DNAJC13: variants seen among roughly 807,000 people sequenced by gnomAD.
DNAJC13 encodes dnaJ homolog subfamily C member 13.
A neutral mutation model predicts 290.5 loss-of-function variants in DNAJC13; 75 were observed. The observed-to-expected ratio is 0.26, with a 90% CI of 0.21 to 0.31. DNAJC13 has a LOEUF of 0.31. DNAJC13 is among the 10% of genes least tolerant of loss of function. The pLI is 1.00. For synonymous variants in DNAJC13, 862 were observed against 892.0 expected (o/e 0.97, Z 0.60); for missense variants, 2,260 against 2,674.5 (o/e 0.85, Z 3.42).
chr3:132,483,953 G>A (rs938400016), intron 28 of DNAJC13, among the ~76,000 whole-genome samples: 2 of 152,162 alleles, frequency 1.3e-5, no homozygotes, highest in African/African-American at 2.4e-5. Flanking sequence ...GTAGGCCCAC[G>A]TCTTGCCCCA....
chr3:132,442,707 G>A (rs1395827856), intron 2 of DNAJC13, among the ~76,000 whole-genome samples: 1 of 152,092 alleles, frequency 6.6e-6, no homozygotes, highest in East Asian at 1.9e-4. Context: ...TTCTTAATAA[G>A]CTGTTGTATT....
chr3:132,496,199 G>A (rs909717774), intron 35 of DNAJC13, among the ~76,000 whole-genome samples: 1 of 152,122 alleles, frequency 6.6e-6, no homozygotes, highest in Non-Finnish European at 1.5e-5. Flanking sequence ...ATTTAGCACA[G>A]TGCTTAATAA....
chr3:132,514,413 G>A (rs1054097999), intron 45 of DNAJC13, among the ~76,000 whole-genome samples, 158 bp from the exon 46 acceptor site: 1 of 152,058 alleles, frequency 6.6e-6, no homozygotes, highest in Non-Finnish European at 1.5e-5. Flanking sequence ...TTTCCAAAGA[G>A]ATTAATAAAG....
intron 20 of DNAJC13, among the ~76,000 whole-genome samples, chr3:132,469,963 CTTTTTTTTTTT>C (rs61726289): frequency 0.14 from 8,820 of 61,586 alleles, 360 homozygotes; most frequent in Middle Eastern, 0.25. Flanking sequence ...AGCAGAGATT[CTTTTTTTTTTT>C]TTTTTTTTTT....
chr3:132,520,204 T>C (rs1936048121), intron 48 of DNAJC13, among the ~76,000 whole-genome samples: 1 of 152,172 alleles, frequency 6.6e-6, no homozygotes, highest in Non-Finnish European at 1.5e-5. Flanking sequence ...TTACAAATAT[T>C]GAGCTCTTCT....
At chr3:132,426,206 A>T (rs986845353) in intron 1 of DNAJC13, among the ~76,000 whole-genome samples, 11 of 152,214 alleles carry the variant, frequency 7.2e-5, no homozygotes, top group Non-Finnish European at 1.6e-4. Context: ...GGACAGTTCT[A>T]TAAAAAGAAC....
intron 36 of DNAJC13, 70 bp from the exon 37 acceptor site, chr3:132,499,056 T>TCAATTTTGAAC (rs1175868173): frequency 7.5e-7 from 1 of 1,335,982 alleles, no homozygotes. Flanking sequence ...TTGAACATGG[T>TCAATTTTGAAC]ATCAAAATTG....
At chr3:132,423,058 C>T (rs1287980137) in intron 1 of DNAJC13, among the ~76,000 whole-genome samples, 1 of 152,178 alleles carries the variant, frequency 6.6e-6, no homozygotes, top group Admixed American at 6.5e-5. Flanking sequence ...GTAATCCCAG[C>T]ACTTGGAAGG....
intron 29 of DNAJC13, 83 bp downstream of exon 29, chr3:132,484,755 G>A: frequency 1.5e-6 from 2 of 1,306,242 alleles, no homozygotes; most frequent in Admixed American, 1.7e-5. Flanking sequence ...TTGTTTTGTT[G>A]CAGTCTATTC....
chr3:132,427,878 A>T (rs561575402), intron 1 of DNAJC13, among the ~76,000 whole-genome samples: 1 of 152,380 alleles, frequency 6.6e-6, no homozygotes, highest in South Asian at 2.1e-4. Context: ...ACTATAATTC[A>T]GATAAATTCA....
intron 29 of DNAJC13, among the ~76,000 whole-genome samples, chr3:132,487,432 A>G (rs971522465): frequency 2.0e-5 from 3 of 150,562 alleles, no homozygotes; most frequent in Non-Finnish European, 4.4e-5. Context: ...AATTTTTTGT[A>G]CTTTTAGTAG....
At chr3:132,520,723 A>G (rs1208966244) in intron 48 of DNAJC13, among the ~76,000 whole-genome samples, 1 of 152,196 alleles carries the variant, frequency 6.6e-6, no homozygotes, top group Non-Finnish European at 1.5e-5. Context: ...TCCTAAATAC[A>G]ATTAAAGTTT....
At chr3:132,478,486 A>G (rs1934546486) in intron 24 of DNAJC13, among the ~76,000 whole-genome samples, 1 of 152,224 alleles carries the variant, frequency 6.6e-6, no homozygotes. Flanking sequence ...GAAAAATCTT[A>G]ATTGATGCTA....
At chr3:132,460,228 G>GT (rs57140786) in intron 13 of DNAJC13, 22 bp from the exon 14 acceptor site, 130,170 of 1,110,524 alleles carry the variant, frequency 0.12, 31 homozygotes, top group South Asian at 0.13. Context: ...AATTATCACT[G>GT]TTTTTTTTTT....
chr3:132,535,700 T>G (rs147599676), intron 55 of DNAJC13, among the ~76,000 whole-genome samples: 425 of 152,254 alleles, frequency 2.8e-3, no homozygotes, highest in Non-Finnish European at 4.6e-3. Context: ...TTTTGTGGGA[T>G]TCTCTGTAAA....
Position 132,507,362 on chromosome 3 carries a change from T to C in DNAJC13, c.5115+9T>C. 1 of 1,478,624 alleles carries C rather than the reference T, an allele frequency of 6.8e-7. No individual in the cohort carries two copies. Among genetic ancestry groups the C allele is most frequent in the Non-Finnish European group, 9.4e-7 (1 of 1,059,060 alleles). The allele number at this position is 1,478,624 out of a possible 1,614,324, so 91.6% of individuals were successfully genotyped here. A position where few individuals can be genotyped will look rare whatever the true frequency, so the allele number is the denominator to read the frequency against. ...CTACTTTCCAACTGGAGGTAAGCTC[T>C]CTGCTTTTAATTTTACCTGATACCT... On this transcript the variant is annotated intron_variant, in intron 43 of 55. Coordinates refer to ENST00000260818, the MANE Select transcript of DNAJC13 (RefSeq NM_015268.4).
At chr3:132,467,412 C>G in intron 20 of DNAJC13, 99 bp downstream of exon 20, 1 of 1,147,544 alleles carries the variant, frequency 8.7e-7, no homozygotes, top group Non-Finnish European at 1.2e-6. Flanking sequence ...ACATTTCTTG[C>G]TGAATACCTG....
rs1162155818 is a variant in DNAJC13 at position 132,531,041 on chromosome 3, A to G, written c.6569A>G (p.Lys2190Arg). The G allele has an allele frequency of 6.2e-7, 1 of 1,614,176 alleles. No individual in the cohort carries two copies. The highest frequency in any genetic ancestry group is 1.3e-5 in the African/African-American group (1 of 75,066). The change falls in exon 55 of 56, where the codon AAA becomes AGA. Residue 2190 changes from lysine to arginine, a missense_variant. Physicochemically the swap from Lys to Arg is conservative, Grantham distance 26. Around this residue, in one of 3 missense-constraint regions of DNAJC13, gnomAD observed 1,494 missense variants for 1,693.7 expected, o/e 0.88. Transcript: ENST00000260818. ...LCRSSVWSAFKDQKHDLFISE... is the reference protein window; with the variant it reads ...LCRSSVWSAFRDQKHDLFISE... ...CGTTCTTCAGTCTGGAGTGCCTTCA[A>G]AGATCAGAAACATGATTTGTTCATT...
intron 55 of DNAJC13, among the ~76,000 whole-genome samples, chr3:132,536,283 C>T (rs1396751119): frequency 1.3e-5 from 2 of 152,160 alleles, no homozygotes; most frequent in Non-Finnish European, 2.9e-5. Flanking sequence ...ATCCGCTACT[C>T]AGTAGGCTGG....
Sources: allele counts gnomAD v4.1 joint callset (sites outside exome capture counted in the v4.1 genomes callset), GRCh38; gene constraint gnomAD v4.1.1; regional missense constraint gnomAD v4.1.1; transcripts MANE v1.5; gene names NCBI Gene and HGNC (gene_info 2026-07-23, HGNC 2026-07-21).